The following NELL1 variants were observed in gnomAD, a reference collection of about 807,000 sequenced individuals.
The protein encoded by NELL1 is protein kinase C-binding protein NELL1.
A neutral mutation model predicts 107.4 loss-of-function variants in NELL1; 76 were observed. The ratio of observed to expected loss-of-function variants is 0.71; its 90% CI spans 0.59 to 0.86. NELL1 has a LOEUF of 0.86. NELL1 is among the 40% of genes least tolerant of loss of function. The pLI, the probability that NELL1 is intolerant of heterozygous loss-of-function variation, is 0.00. For missense variants in NELL1, 1,024 were observed against 1,005.5 expected, an observed-to-expected ratio of 1.02 and a Z score of -0.25; for synonymous variants, 353 against 341.2, an observed-to-expected ratio of 1.03 and a Z score of -0.38.
At chr11:20,912,287 G>T (rs1850149644) in intron 5 of NELL1, among the ~76,000 whole-genome samples, 1 of 152,090 alleles carries the variant, frequency 6.6e-6, no homozygotes. Context: ...GGTAATTCCT[G>T]TCTGAGACAC....
At chr11:20,684,915 G>A (rs1854272106) in intron 2 of NELL1, among the ~76,000 whole-genome samples, 1 of 152,006 alleles carries the variant, frequency 6.6e-6, no homozygotes, top group Non-Finnish European at 1.5e-5. Flanking sequence ...ACTATTTCTG[G>A]CCCTCGTGTA....
intron 13 of NELL1, among the ~76,000 whole-genome samples, chr11:21,185,120 AC>A (rs1856906359): frequency 6.6e-6 from 1 of 151,488 alleles, no homozygotes; most frequent in Non-Finnish European, 1.5e-5. Context: ...CCTTCCATTA[AC>A]CTATCCATCC....
At chr11:20,848,546 TAC>T (rs1848741808) in intron 4 of NELL1, among the ~76,000 whole-genome samples, 1 of 152,188 alleles carries the variant, frequency 6.6e-6, no homozygotes, top group Non-Finnish European at 1.5e-5. Flanking sequence ...CGAGTCCAAT[TAC>T]AGAGTTTTTT....
chr11:20,870,916 C>T (rs540765476), intron 4 of NELL1, among the ~76,000 whole-genome samples: 9 of 152,214 alleles, frequency 5.9e-5, no homozygotes, highest in East Asian at 1.9e-4. Context: ...ATGAATAATT[C>T]GGTGTGCTTG....
At chr11:21,344,026 T>A (rs371475241) in intron 14 of NELL1, among the ~76,000 whole-genome samples, 1 of 152,214 alleles carries the variant, frequency 6.6e-6, no homozygotes, top group South Asian at 2.1e-4. Flanking sequence ...ACCAAGCAGA[T>A]GTGCCCCATT....
In NELL1 at chr11:21,373,811, T is replaced by C. The variant is rs545178602; in HGVS notation, c.1645+2863T>C. Among the ~76,000 whole-genome samples the C allele has an allele frequency of 3.3e-5, 5 of 152,242 alleles. No individual in the cohort carries two copies. In the South Asian group the frequency reaches 8.3e-4, roughly 25 times the overall value. On this transcript the variant is annotated intron_variant, in intron 15 of 19. Transcript: ENST00000357134. ...TATAATTCTAGTTCTTCTCCTACCC[T>C]TCAACTTCCTTCTCTGTGTGCTTAG...
chr11:21,431,399 AAGGT>A (rs1852961537), intron 15 of NELL1, among the ~76,000 whole-genome samples: 1 of 152,128 alleles, frequency 6.6e-6, no homozygotes. Flanking sequence ...AAATTTCACT[AAGGT>A]AGATCTGTTA....
rs181940210 is a variant in NELL1 at position 21,497,876 on chromosome 11, G to C, written c.1646-36498G>C. Among the ~76,000 whole-genome samples, 464 of 152,000 alleles carry C rather than the reference G, an allele frequency of 3.1e-3. 5 individuals carry two copies. Among genetic ancestry groups the C allele is most frequent in the African/African-American group, 9.5e-3 (394 of 41,504 alleles). ...ACAAGTTTATACCTGTGATATATTT[G>C]TTTCAGGCCTTGACATATTATTTCC... is the stretch of plus-strand genomic sequence containing the variant. On this transcript the variant is annotated intron_variant, in intron 15 of 19. Transcript: ENST00000357134.
At chr11:21,378,830 G>A (rs1034774957) in intron 15 of NELL1, among the ~76,000 whole-genome samples, 16 of 150,438 alleles carry the variant, frequency 1.1e-4, no homozygotes, top group Non-Finnish European at 1.6e-4. Flanking sequence ...CGATTCTTGT[G>A]CCTCAGCCTC....
chr11:21,034,193 G>A (rs1486359630), intron 12 of NELL1, among the ~76,000 whole-genome samples: 1 of 152,148 alleles, frequency 6.6e-6, no homozygotes, highest in Non-Finnish European at 1.5e-5. Context: ...TATATATGGT[G>A]TAAGGAGGGG....
chr11:20,794,691 C>A (rs1192183564), intron 3 of NELL1, among the ~76,000 whole-genome samples: 1 of 151,922 alleles, frequency 6.6e-6, no homozygotes, highest in Non-Finnish European at 1.5e-5. Flanking sequence ...GCTGATGATA[C>A]TGATAATGAC....
At chr11:21,419,228 A>C (rs1852597440) in intron 15 of NELL1, among the ~76,000 whole-genome samples, 1 of 152,124 alleles carries the variant, frequency 6.6e-6, no homozygotes, top group Non-Finnish European at 1.5e-5. Flanking sequence ...ATCCTGGTAA[A>C]GGTAAAAATT....
chr11:21,065,094 G>A (rs1853836418), intron 12 of NELL1, among the ~76,000 whole-genome samples: 1 of 151,830 alleles, frequency 6.6e-6, no homozygotes, highest in Non-Finnish European at 1.5e-5. Context: ...GCATTTTTGA[G>A]CACATACTTT....
intron 12 of NELL1, among the ~76,000 whole-genome samples, chr11:21,060,465 CTT>C (rs1853712719): frequency 6.6e-6 from 1 of 152,012 alleles, no homozygotes; most frequent in South Asian, 2.1e-4. Context: ...GGGGGATTGT[CTT>C]TGTGTGTGTG....
chr11:21,273,168 G>A lies in NELL1; in HGVS notation c.1549+43714G>A, dbSNP rs960475227. Among the ~76,000 whole-genome samples, 12 of 152,192 alleles carry A rather than the reference G, an allele frequency of 7.9e-5. No homozygotes were observed. The South Asian group carries it at 8.3e-4, about 11-fold the overall frequency. ...TAAAAATCTTGAAAAAAAATTAGAC[G>A]AATGGCTAACTAGAATAACCAATAC... On this transcript the variant is annotated intron_variant, in intron 14 of 19. Coordinates refer to ENST00000357134, the MANE Select transcript of NELL1 (RefSeq NM_006157.5).
intron 2 of NELL1, among the ~76,000 whole-genome samples, chr11:20,681,679 A>C (rs1854192865): frequency 6.6e-6 from 1 of 152,114 alleles, no homozygotes; most frequent in South Asian, 2.1e-4. Context: ...TAGTGACTTA[A>C]AATAAATTTA....
chr11:21,063,810 A>G (rs1853802604), intron 12 of NELL1, among the ~76,000 whole-genome samples: 1 of 152,254 alleles, frequency 6.6e-6, no homozygotes, highest in Non-Finnish European at 1.5e-5. Flanking sequence ...ACATTCCAGC[A>G]GGTGACACAG....
At chr11:21,440,764 A>C (rs1853262881) in intron 15 of NELL1, among the ~76,000 whole-genome samples, 1 of 152,134 alleles carries the variant, frequency 6.6e-6, no homozygotes, top group Non-Finnish European at 1.5e-5. Flanking sequence ...GTCAAGGAGA[A>C]TGGGGAGGAA....
chr11:20,777,095 T>C (rs987949116), intron 2 of NELL1, among the ~76,000 whole-genome samples: 2 of 152,266 alleles, frequency 1.3e-5, no homozygotes, highest in Non-Finnish European at 2.9e-5. Flanking sequence ...TCACACATTT[T>C]GGTGAATAGC....
Sources: allele counts gnomAD v4.1 joint callset (sites outside exome capture counted in the v4.1 genomes callset), GRCh38; gene constraint gnomAD v4.1.1; transcripts MANE v1.5; gene names NCBI Gene and HGNC (gene_info 2026-07-23, HGNC 2026-07-21).